Variants in SH3RF1 observed in about 807,000 individuals in gnomAD.
SH3RF1 encodes the protein E3 ubiquitin-protein ligase SH3RF1.
In SH3RF1, 32 loss-of-function variants were observed where a neutral mutation model predicts 74.0. The observed-to-expected ratio is 0.43, with a 90% CI of 0.33 to 0.58. The LOEUF is 0.58. SH3RF1 is among the 20% of genes least tolerant of loss of function. The probability of loss-of-function intolerance (pLI) is 0.05; values close to 1 mark genes in which losing one functional copy is unlikely to be tolerated. For synonymous variants in SH3RF1, 396 were observed against 439.6 expected (o/e 0.90, Z 1.24); for missense variants, 954 against 1,130.9 (o/e 0.84, Z 2.24).
At chr4:169,232,068 G>A (rs72708546) in intron 2 of SH3RF1, among the ~76,000 whole-genome samples, 6,784 of 152,284 alleles carry the variant, frequency 0.045, 237 homozygotes, top group South Asian at 0.18. Flanking sequence ...TGCAGGACAG[G>A]AGAGTTTGCA....
rs144681206 is a variant in SH3RF1, at chr4:169,111,131, G to A, written c.2140-3926C>T. ...AGGACCACCAACATGGTGAAACCCT[G>A]TCTCTACTAAAAACACAAAAGTTAG... is the stretch of plus-strand genomic sequence containing the variant. On this transcript the variant is annotated intron_variant, in intron 10 of 11. Coordinates refer to ENST00000284637, the MANE Select transcript of SH3RF1 (RefSeq NM_020870.4). 6.3e-3 allele frequency among the ~76,000 whole-genome samples: 962 copies of A among 151,752 alleles called. 5 individuals are homozygous for A. Among genetic ancestry groups the A allele is most frequent in the African/African-American group, 0.022 (917 of 41,424 alleles).
At chr4:169,224,127 C>T (rs113442723) in intron 2 of SH3RF1, among the ~76,000 whole-genome samples, 15 of 152,310 alleles carry the variant, frequency 9.8e-5, no homozygotes, top group African/African-American at 3.6e-4. Context: ...AGAAGCTCCA[C>T]TAATTTCTAA....
At chr4:169,202,423 T>C (rs1273995343) in intron 2 of SH3RF1, among the ~76,000 whole-genome samples, 1 of 151,934 alleles carries the variant, frequency 6.6e-6, no homozygotes, top group African/African-American at 2.4e-5. Flanking sequence ...TGAGCCTCTG[T>C]GGATGAGAAA....
At chr4:169,175,818 C>T (rs778567789) in intron 2 of SH3RF1, among the ~76,000 whole-genome samples, 2 of 152,176 alleles carry the variant, frequency 1.3e-5, no homozygotes, top group Non-Finnish European at 2.9e-5. Context: ...TTTGTATCTT[C>T]CCTCTCCCCC....
At chr4:169,246,040 T>C (rs553853536) in intron 2 of SH3RF1, among the ~76,000 whole-genome samples, 67 of 152,258 alleles carry the variant, frequency 4.4e-4, no homozygotes, top group Non-Finnish European at 8.2e-4. Flanking sequence ...GTCAGAGCAA[T>C]TGAAGATGTG....
chr4:169,119,755 G>A (rs1450114654), intron 8 of SH3RF1, among the ~76,000 whole-genome samples: 2 of 152,102 alleles, frequency 1.3e-5, no homozygotes, highest in Non-Finnish European at 2.9e-5. Context: ...ATAAATCAAG[G>A]CCAACAGCTG....
intron 1 of SH3RF1, among the ~76,000 whole-genome samples, chr4:169,270,176 T>A (rs1305052633): frequency 5.3e-5 from 8 of 152,226 alleles, no homozygotes; most frequent in Admixed American, 1.3e-4. Context: ...AAGATTTGGC[T>A]GGGAGCATTA....
chr4:169,217,576 G>A (rs1268740918), intron 2 of SH3RF1: 1 of 152,226 alleles, frequency 6.6e-6, no homozygotes, highest in Non-Finnish European at 1.5e-5. Flanking sequence ...AAACCTGAAA[G>A]GTGTACAAGA....
intron 5 of SH3RF1, among the ~76,000 whole-genome samples, chr4:169,130,451 C>T (rs970308044): frequency 1.3e-5 from 2 of 152,132 alleles, no homozygotes; most frequent in African/African-American, 2.4e-5. Flanking sequence ...TCATTTGGTA[C>T]GCCACCATGA....
At chr4:169,105,631 C>T (rs567586703) in intron 11 of SH3RF1, among the ~76,000 whole-genome samples, 12 of 152,310 alleles carry the variant, frequency 7.9e-5, no homozygotes, top group Admixed American at 2.6e-4. Flanking sequence ...TCGTGGCTCA[C>T]GCCTGTAATC....
chr4:169,188,418 G>T (rs1356395274), intron 2 of SH3RF1, among the ~76,000 whole-genome samples: 2 of 152,100 alleles, frequency 1.3e-5, no homozygotes, highest in Non-Finnish European at 2.9e-5. Flanking sequence ...CACAAATCCA[G>T]GCAGCTCTGT....
At chr4:169,192,882 T>G (rs1734750637) in intron 2 of SH3RF1, among the ~76,000 whole-genome samples, 1 of 145,090 alleles carries the variant, frequency 6.9e-6, no homozygotes, top group African/African-American at 2.5e-5. Context: ...ATCATATATA[T>G]GTGATATGTT....
At chr4:169,201,363 C>T (rs917450390) in intron 2 of SH3RF1, among the ~76,000 whole-genome samples, 6 of 152,122 alleles carry the variant, frequency 3.9e-5, no homozygotes, top group Admixed American at 2.6e-4. Flanking sequence ...GGGATTAGAG[C>T]GGGGCTAGGG....
At chr4:169,149,001 T>C (rs1278193513) in intron 4 of SH3RF1, among the ~76,000 whole-genome samples, 2 of 152,186 alleles carry the variant, frequency 1.3e-5, no homozygotes, top group Admixed American at 6.5e-5. Flanking sequence ...TAGATACCAT[T>C]TGGTGATTAG....
intron 2 of SH3RF1, chr4:169,204,050 CCTCTAA>C (rs113842713): frequency 4.6e-5 from 7 of 152,260 alleles, no homozygotes; most frequent in African/African-American, 1.2e-4. Context: ...CTCTTCACTC[CCTCTAA>C]CTCTAACTCA....
At chr4:169,234,408 T>C (rs1044303791) in intron 2 of SH3RF1, among the ~76,000 whole-genome samples, 5 of 152,178 alleles carry the variant, frequency 3.3e-5, no homozygotes, top group Admixed American at 6.5e-5. Flanking sequence ...CGAAATACCA[T>C]GGTCTTCCAG....
Position 169,221,636 on chromosome 4 carries a change from C to T in SH3RF1, c.393+47184G>A, listed in dbSNP as rs371384104. Among the ~76,000 whole-genome samples, 12 of 152,240 alleles carry T rather than the reference C, an allele frequency of 7.9e-5. No homozygotes were observed. In the South Asian group the frequency reaches 1.2e-3, roughly 16 times the overall value. ...TTCATTTTAACATATAAACACTATG[C>T]TCCTTATAACATACCTTGTAATCTA... On this transcript the variant is annotated intron_variant, in intron 2 of 11. Transcript: ENST00000284637.
chr4:169,152,477 C>T (rs1334932300), intron 4 of SH3RF1, among the ~76,000 whole-genome samples: 1 of 152,222 alleles, frequency 6.6e-6, no homozygotes, highest in African/African-American at 2.4e-5. Flanking sequence ...GTGGCTCACG[C>T]TTGTAATCCC....
chr4:169,112,886 A>T (rs1040846781), intron 10 of SH3RF1, among the ~76,000 whole-genome samples: 1 of 152,232 alleles, frequency 6.6e-6, no homozygotes, highest in African/African-American at 2.4e-5. Context: ...AAGAAAGGGA[A>T]GGATAATCTT....
Sources: allele counts gnomAD v4.1 joint callset (sites outside exome capture counted in the v4.1 genomes callset), GRCh38; gene constraint gnomAD v4.1.1; transcripts MANE v1.5; gene names NCBI Gene and HGNC (gene_info 2026-07-23, HGNC 2026-07-21).